TTC28: variants seen among roughly 807,000 people sequenced by gnomAD.
TTC28 encodes tetratricopeptide repeat protein 28.
TTC28 carries 61 observed loss-of-function variants against 198.0 expected under a neutral mutation model. The observed-to-expected ratio is 0.31, with a 90% CI of 0.25 to 0.38. The LOEUF (loss-of-function observed/expected upper bound fraction) is 0.38. TTC28 is among the 10% of genes least tolerant of loss of function. The probability of loss-of-function intolerance (pLI) is 1.00; values close to 1 mark genes in which losing one functional copy is unlikely to be tolerated. For missense variants in TTC28, 2,678 were observed against 3,164.0 expected, an observed-to-expected ratio of 0.85 and a Z score of 3.69; for synonymous variants, 1,171 against 1,297.8, an observed-to-expected ratio of 0.90 and a Z score of 2.10.
chr22:28,165,865 T>A (rs1327053347), intron 5 of TTC28, among the ~76,000 whole-genome samples: 1 of 152,144 alleles, frequency 6.6e-6, no homozygotes, highest in Non-Finnish European at 1.5e-5. Flanking sequence ...AATGCTCCAA[T>A]TAAAAGACAC....
intron 2 of TTC28, among the ~76,000 whole-genome samples, chr22:28,462,587 A>C (rs904047839): frequency 1.3e-5 from 2 of 152,204 alleles, no homozygotes; most frequent in African/African-American, 4.8e-5. Flanking sequence ...TAATAATGAC[A>C]ACAACTGCAA....
At chr22:28,142,868 AT>A (rs1943374394) in intron 6 of TTC28, among the ~76,000 whole-genome samples, 4 of 152,240 alleles carry the variant, frequency 2.6e-5, no homozygotes, top group Non-Finnish European at 5.9e-5. Flanking sequence ...AGTCCCCAGA[AT>A]AAAATTAGCT....
At chr22:27,988,102 T>C (rs1193165387) in intron 21 of TTC28, among the ~76,000 whole-genome samples, 1 of 152,042 alleles carries the variant, frequency 6.6e-6, no homozygotes, top group East Asian at 1.9e-4. Flanking sequence ...CTGTAAAGGA[T>C]GCCAAGCTTC....
At chr22:28,637,223 G>C (rs935765142) in intron 1 of TTC28, among the ~76,000 whole-genome samples, 2 of 152,012 alleles carry the variant, frequency 1.3e-5, no homozygotes, top group Non-Finnish European at 2.9e-5. Context: ...TGTTAGCCAC[G>C]AGGGTCTCGA....
At chr22:28,561,072 C>CTT (rs11296581) in intron 2 of TTC28, among the ~76,000 whole-genome samples, 4 of 58,726 alleles carry the variant, frequency 6.8e-5, no homozygotes, top group African/African-American at 2.9e-4. Context: ...CCTTCATTTT[C>CTT]TTTTTTTTTT....
intron 5 of TTC28, among the ~76,000 whole-genome samples, chr22:28,232,992 C>G (rs988271589): frequency 1.3e-5 from 2 of 151,930 alleles, no homozygotes; most frequent in African/African-American, 4.8e-5. Context: ...ATCCCAGCTA[C>G]TCGGGAGGCT....
At chr22:28,370,791 A>G (rs2145989090) in intron 2 of TTC28, among the ~76,000 whole-genome samples, 1 of 152,316 alleles carries the variant, frequency 6.6e-6, no homozygotes, top group East Asian at 1.9e-4. Context: ...AGGGAGTAAG[A>G]GAAAAGGAAC....
At chr22:28,078,908 G>A (rs1941248429) in intron 12 of TTC28, among the ~76,000 whole-genome samples, 1 of 152,172 alleles carries the variant, frequency 6.6e-6, no homozygotes, top group African/African-American at 2.4e-5. Context: ...CTTAGAGAAG[G>A]AAGAGCATGT....
chr22:28,069,925 A>AACACACACAC lies in TTC28; in HGVS notation c.3932+24145_3932+24154dup, dbSNP rs60436240. 4.0e-3 allele frequency among the ~76,000 whole-genome samples: 573 copies of AACACACACAC among 142,128 alleles called. 1 individual carries two copies. The highest frequency in any genetic ancestry group is 8.6e-3 in the African/African-American group (333 of 38,564). The allele number at this position is 142,128 out of a possible 152,430, so 93.2% of individuals were successfully genotyped here. On this transcript the variant is annotated intron_variant, in intron 12 of 22. Coordinates refer to ENST00000397906, the MANE Select transcript of TTC28 (RefSeq NM_001145418.2). ...CTACACTAAATTGAAAGGTTGTACA[A>AACACACACAC]ACACACACACACACACACACACACA... is the stretch of plus-strand genomic sequence containing the variant.
At chr22:28,675,584 T>C (rs1204037370) in intron 1 of TTC28, among the ~76,000 whole-genome samples, 2 of 151,806 alleles carry the variant, frequency 1.3e-5, no homozygotes, top group Non-Finnish European at 2.9e-5. Context: ...AAACTCCATC[T>C]CTACAGAAAA....
At chr22:28,121,274 C>T (rs921134064) in intron 6 of TTC28, among the ~76,000 whole-genome samples, 16 of 152,196 alleles carry the variant, frequency 1.1e-4, no homozygotes, top group Non-Finnish European at 1.5e-5. Flanking sequence ...CTTGGGCTTC[C>T]CAAGACATTT....
At chr22:28,030,450 T>C (rs1356556490) in intron 12 of TTC28, 84 bp from the exon 13 acceptor site, 1 of 1,508,734 alleles carries the variant, frequency 6.6e-7, no homozygotes, top group Non-Finnish European at 8.9e-7. Context: ...TATGCCATTC[T>C]GTCACCAAAC....
At chr22:28,171,726 A>C (rs972095827) in intron 5 of TTC28, among the ~76,000 whole-genome samples, 3 of 151,990 alleles carry the variant, frequency 2.0e-5, no homozygotes, top group African/African-American at 7.2e-5. Flanking sequence ...AAATACTTAG[A>C]AATTTACTTT....
Position 28,005,801 on chromosome 22 carries a change from C to A in TTC28, c.4219-4248G>T, listed in dbSNP as rs1937909172. Among the ~76,000 whole-genome samples, 1 of 152,234 alleles carries A rather than the reference C, an allele frequency of 6.6e-6. No homozygotes were observed. Among genetic ancestry groups the A allele is most frequent in the East Asian group, 1.9e-4 (1 of 5,198 alleles). On this transcript the variant is annotated intron_variant, in intron 14 of 22. Transcript: ENST00000397906. This position sits in a 1 kb window ranked among gnomAD's most constrained non-coding sequence, Gnocchi z 4.9. The stretch of plus-strand genomic sequence containing the variant: ...GGGGGCTAGCGCTTGCCAGCAACTC[C>A]AGACTGGCTCTGGCCTGGCCAAACA...
At chr22:28,650,814 T>C (rs1025204092) in intron 1 of TTC28, among the ~76,000 whole-genome samples, 2 of 152,182 alleles carry the variant, frequency 1.3e-5, no homozygotes, top group Admixed American at 6.5e-5. Flanking sequence ...GACTGTTCTG[T>C]GAGGTATAAA....
intron 6 of TTC28, among the ~76,000 whole-genome samples, chr22:28,121,382 C>A (rs1004051670): frequency 1.3e-5 from 2 of 152,198 alleles, no homozygotes; most frequent in African/African-American, 4.8e-5. Flanking sequence ...ACATGCTTAT[C>A]TCCAGCCAAC....
At chr22:28,432,681 C>A (rs2047451057) in intron 2 of TTC28, among the ~76,000 whole-genome samples, 1 of 152,182 alleles carries the variant, frequency 6.6e-6, no homozygotes, top group Admixed American at 6.5e-5. Flanking sequence ...TTATGATTTA[C>A]TTATCAATGA....
At chr22:28,041,395 A>G (rs1939633689) in intron 12 of TTC28, among the ~76,000 whole-genome samples, 1 of 152,204 alleles carries the variant, frequency 6.6e-6, no homozygotes, top group Non-Finnish European at 1.5e-5. Flanking sequence ...ATATAGACCA[A>G]TGGAACAGAA....
chr22:28,303,205 T>G (rs1230451278), intron 3 of TTC28, among the ~76,000 whole-genome samples: 1 of 152,178 alleles, frequency 6.6e-6, no homozygotes, highest in Non-Finnish European at 1.5e-5. Context: ...GTAATTACAT[T>G]AATAAATCCA....
Sources: gnomAD v4.1 joint callset for allele counts (sites outside exome capture counted in the v4.1 genomes callset) on GRCh38, gnomAD v4.1.1 for gene constraint, Gnocchi (gnomAD v3.1) non-coding constraint, MANE v1.5 for transcripts, NCBI Gene and HGNC (gene_info 2026-07-23, HGNC 2026-07-21) for gene names.